The following NRXN3 variants were observed in gnomAD, a reference collection of about 807,000 sequenced individuals.
The protein encoded by NRXN3 is neurexin III.
In NRXN3, 32 loss-of-function variants were observed where a neutral mutation model predicts 137.6. The ratio of observed to expected loss-of-function variants is 0.23; its 90% confidence interval spans 0.18 to 0.31. The LOEUF (loss-of-function observed/expected upper bound fraction) is 0.31, where lower values mean the gene tolerates loss of function less well. Among genes scored for constraint, NRXN3 ranks in the 10% least tolerant of loss-of-function variants. The probability of loss-of-function intolerance (pLI) is 1.00; values close to 1 mark genes in which losing one functional copy is unlikely to be tolerated. For missense variants in NRXN3, 1,574 were observed against 2,062.5 expected (o/e 0.76, Z 4.59); for synonymous variants, 798 against 784.5 (o/e 1.02, Z -0.29).
intron 15 of NRXN3, among the ~76,000 whole-genome samples, chr14:79,238,184 C>G (rs2073731192): frequency 6.6e-6 from 1 of 152,056 alleles, no homozygotes; most frequent in Non-Finnish European, 1.5e-5. Context: ...CTATCACCAC[C>G]TTGAAAGTTT....
intron 15 of NRXN3, among the ~76,000 whole-genome samples, chr14:79,426,450 C>A (rs2095656191): frequency 6.6e-6 from 1 of 152,298 alleles, no homozygotes; most frequent in Non-Finnish European, 1.5e-5. Flanking sequence ...AGGGCCCAAT[C>A]ATCAGGTCCA....
intron 4 of NRXN3, among the ~76,000 whole-genome samples, chr14:78,368,826 C>G (rs3891717): frequency 0.98 from 149,413 of 152,340 alleles, 73,313 homozygotes; most frequent in Non-Finnish European, 1. Flanking sequence ...GTTTTAAGGG[C>G]TCCTAAGAAA....
chr14:78,894,313 G>A (rs1353466093), intron 10 of NRXN3, among the ~76,000 whole-genome samples: 1 of 151,912 alleles, frequency 6.6e-6, no homozygotes, highest in Non-Finnish European at 1.5e-5. Context: ...TAAATCCTTT[G>A]TAGTCATTTC....
chr14:79,389,694 C>A (rs2094773984), intron 15 of NRXN3, among the ~76,000 whole-genome samples: 1 of 152,100 alleles, frequency 6.6e-6, no homozygotes, highest in Non-Finnish European at 1.5e-5. Flanking sequence ...TTATGAAAAC[C>A]TGTGGCTTTT....
At chr14:79,596,518 C>G (rs564451483) in intron 16 of NRXN3, among the ~76,000 whole-genome samples, 44 of 152,238 alleles carry the variant, frequency 2.9e-4, no homozygotes, top group African/African-American at 9.9e-4. Context: ...GCTCAACAGT[C>G]AAAGACAGGT....
At chr14:78,932,004 GT>G (rs1489078681) in intron 10 of NRXN3, among the ~76,000 whole-genome samples, 1 of 152,104 alleles carries the variant, frequency 6.6e-6, no homozygotes, top group Non-Finnish European at 1.5e-5. Flanking sequence ...GCTGGGCATG[GT>G]GGCAGGCACC....
chr14:79,543,005 G>A (rs76798740), intron 16 of NRXN3, among the ~76,000 whole-genome samples: 2,445 of 152,198 alleles, frequency 0.016, 99 homozygotes, highest in East Asian at 0.13. Context: ...AAAATTAAAG[G>A]CACAGGTATT....
At chr14:79,359,011 A>G (rs893947274) in intron 15 of NRXN3, among the ~76,000 whole-genome samples, 2 of 152,212 alleles carry the variant, frequency 1.3e-5, no homozygotes, top group Non-Finnish European at 2.9e-5. Context: ...TATTTAATAT[A>G]CCACCTTGAT....
At chr14:78,374,813 T>A (rs2087527837) in intron 4 of NRXN3, among the ~76,000 whole-genome samples, 1 of 151,410 alleles carries the variant, frequency 6.6e-6, no homozygotes, top group Admixed American at 6.6e-5. Context: ...GCTTAAAAGA[T>A]GTAATTTTCA....
Position 78,226,170 on chromosome 14 carries a change from A to G in NRXN3, c.-703-16221A>G, listed in dbSNP as rs368834398. Reference sequence around the variant, plus strand: ...AGGCGCGTGCCACCACGCCCGACTAATTTTTTGTATTTTTAGTAGAGATGT... The same window carrying G: ...AGGCGCGTGCCACCACGCCCGACTAGTTTTTTGTATTTTTAGTAGAGATGT... On this transcript the variant is annotated intron_variant, in intron 1 of 20. Transcript: ENST00000335750. 1.2e-4 allele frequency among the ~76,000 whole-genome samples: 18 copies of G among 152,076 alleles called. 1 individual carries two copies. The East Asian group carries it at 1.6e-3, about 13-fold the overall frequency.
At chr14:78,233,613 C>T (rs141588178) in intron 1 of NRXN3, among the ~76,000 whole-genome samples, 49 of 149,660 alleles carry the variant, frequency 3.3e-4, no homozygotes, top group Middle Eastern at 3.5e-3. Flanking sequence ...GTAGAACTTC[C>T]GTTCACTAGA....
chr14:78,565,968 A>T (rs1247184951), intron 4 of NRXN3, among the ~76,000 whole-genome samples: 1 of 152,198 alleles, frequency 6.6e-6, no homozygotes, highest in African/African-American at 2.4e-5. Context: ...TTCTTTGAAC[A>T]CTTCAGATTT....
chr14:79,537,691 T>C (rs2153729368), intron 16 of NRXN3, among the ~76,000 whole-genome samples: 1 of 152,332 alleles, frequency 6.6e-6, no homozygotes, highest in African/African-American at 2.4e-5. Context: ...CAGTCTATCA[T>C]TGTTGGACAT....
chr14:78,668,068 G>A (rs1372280931), intron 6 of NRXN3, among the ~76,000 whole-genome samples: 4 of 152,166 alleles, frequency 2.6e-5, no homozygotes, highest in Non-Finnish European at 5.9e-5. Flanking sequence ...TTACAGGCGT[G>A]AGCCACCGCG....
At chr14:78,453,515 G>T (rs957144320) in intron 4 of NRXN3, among the ~76,000 whole-genome samples, 1 of 152,206 alleles carries the variant, frequency 6.6e-6, no homozygotes, top group East Asian at 1.9e-4. Flanking sequence ...ACATAAGAGA[G>T]CATCCCACTC....
chr14:78,757,175 A>T (rs1345298099), intron 8 of NRXN3, among the ~76,000 whole-genome samples: 1 of 152,082 alleles, frequency 6.6e-6, no homozygotes, highest in Non-Finnish European at 1.5e-5. Context: ...TGGGAGGCCG[A>T]GGGGGGCAGA....
chr14:78,262,124 C>A (rs140257251), intron 2 of NRXN3, among the ~76,000 whole-genome samples: 1 of 152,296 alleles, frequency 6.6e-6, no homozygotes, highest in East Asian at 1.9e-4. Context: ...GAAAGCCAGG[C>A]AGCGGGGCTG....
intron 4 of NRXN3, among the ~76,000 whole-genome samples, chr14:78,415,606 A>G (rs2093090952): frequency 6.6e-6 from 1 of 152,154 alleles, no homozygotes; most frequent in Non-Finnish European, 1.5e-5. Flanking sequence ...CATGGTGACT[A>G]GATTTCAAGT....
intron 16 of NRXN3, among the ~76,000 whole-genome samples, chr14:79,586,438 T>C (rs1237382450): frequency 3.3e-5 from 5 of 152,230 alleles, no homozygotes; most frequent in African/African-American, 7.2e-5. Flanking sequence ...GAAATGCTCA[T>C]TGTAGAATGT....
Sources: allele counts gnomAD v4.1 joint callset (sites outside exome capture counted in the v4.1 genomes callset), GRCh38; gene constraint gnomAD v4.1.1; transcripts MANE v1.5; gene names NCBI Gene and HGNC (gene_info 2026-07-23, HGNC 2026-07-21).